PCDHGA5: variants seen among roughly 807,000 people sequenced by gnomAD.
The protein encoded by PCDHGA5 is protocadherin gamma subfamily A, 5.
A neutral mutation model predicts 56.7 loss-of-function variants in PCDHGA5; 36 were observed. The observed-to-expected ratio is 0.64, with a 90% confidence interval of 0.49 to 0.84. The LOEUF is 0.84. PCDHGA5 is among the 40% of genes least tolerant of loss of function. PCDHGA5 has a pLI of 0.00. For synonymous variants in PCDHGA5, 563 were observed against 520.2 expected, an observed-to-expected ratio of 1.08 and a Z score of -1.12; for missense variants, 1,305 against 1,201.5, an observed-to-expected ratio of 1.09 and a Z score of -1.27.
intron 1 of PCDHGA5, chr5:141,376,333 G>A: frequency 6.2e-7 from 1 of 1,614,188 alleles, no homozygotes; most frequent in Non-Finnish European, 8.5e-7. Context: ...GGGCTTTCCT[G>A]CAGACCTATT....
intron 1 of PCDHGA5, chr5:141,376,577 C>T (rs1231719593): frequency 6.3e-6 from 10 of 1,592,924 alleles, no homozygotes; most frequent in Admixed American, 1.7e-5. Flanking sequence ...CAGACAGGCT[C>T]ATCAGCTAGA....
At chr5:141,387,911 C>G (rs2091149943) in intron 1 of PCDHGA5, 8 of 1,495,982 alleles carry the variant, frequency 5.3e-6, no homozygotes, top group Non-Finnish European at 7.1e-6. Flanking sequence ...GGGAGCTGGG[C>G]CGGGCTGAGA....
chr5:141,410,602 T>A, intron 1 of PCDHGA5: 4 of 1,607,792 alleles, frequency 2.5e-6, no homozygotes, highest in South Asian at 2.2e-5. Flanking sequence ...TGACTTCACA[T>A]CCTGAGACTC....
intron 1 of PCDHGA5, chr5:141,420,925 G>A: frequency 2.8e-6 from 1 of 355,536 alleles, no homozygotes; most frequent in Non-Finnish European, 5.1e-6. Context: ...TCACAAAGGT[G>A]AGCGTAATCA....
intron 1 of PCDHGA5, among the ~76,000 whole-genome samples, chr5:141,455,769 C>T (rs1371335785): frequency 2.6e-5 from 4 of 152,014 alleles, no homozygotes; most frequent in Admixed American, 2.6e-4. Flanking sequence ...AGAGCCGGGG[C>T]TTTAAAAGAA....
chr5:141,419,981 A>G (rs2096455772), intron 1 of PCDHGA5: 2 of 1,613,934 alleles, frequency 1.2e-6, no homozygotes, highest in East Asian at 2.2e-5. Flanking sequence ...CCTCGCGGTG[A>G]TTCTAGCTAT....
chr5:141,473,308 A>G (rs1248143328), intron 1 of PCDHGA5, among the ~76,000 whole-genome samples: 1 of 152,234 alleles, frequency 6.6e-6, no homozygotes, highest in Non-Finnish European at 1.5e-5. Context: ...AGATTGCTAT[A>G]TTAATAAGCA....
At chr5:141,498,679 C>T (rs1454800332) in intron 2 of PCDHGA5, among the ~76,000 whole-genome samples, 1 of 152,170 alleles carries the variant, frequency 6.6e-6, no homozygotes, top group African/African-American at 2.4e-5. Flanking sequence ...CGCCTGTAAT[C>T]CCAGCACTTT....
chr5:141,377,257 C>CT (rs1361180220), intron 1 of PCDHGA5: 1 of 147,998 alleles, frequency 6.8e-6, no homozygotes, highest in Non-Finnish European at 1.5e-5. Context: ...AAGGTTCTTT[C>CT]TTTTTCTAAT....
chr5:141,478,977 T>G (rs1004184325), intron 1 of PCDHGA5, among the ~76,000 whole-genome samples: 12 of 152,210 alleles, frequency 7.9e-5, no homozygotes, highest in Admixed American at 5.2e-4. Flanking sequence ...TTCAAGTGAT[T>G]GTGACATTTG....
chr5:141,481,934 AAT>A (rs1245984926), intron 1 of PCDHGA5, among the ~76,000 whole-genome samples: 5 of 147,494 alleles, frequency 3.4e-5, no homozygotes, highest in Admixed American at 3.4e-4. Flanking sequence ...AAAAAAAAAA[AAT>A]CAGCCAGATG....
At chr5:141,394,021 GA>G (rs2092902279) in intron 1 of PCDHGA5, 1 of 1,613,362 alleles carries the variant, frequency 6.2e-7, no homozygotes, top group Non-Finnish European at 8.5e-7. Context: ...AATTATTATA[GA>G]TTAGTGACAA....
At chr5:141,510,353 C>T (rs74759939) in intron 3 of PCDHGA5, among the ~76,000 whole-genome samples, 2 of 146,504 alleles carry the variant, frequency 1.4e-5, no homozygotes, top group African/African-American at 5.0e-5. Context: ...CACTTACTAA[C>T]GGAACTACCG....
At chr5:141,407,602 G>A (rs1395597779) in intron 1 of PCDHGA5, among the ~76,000 whole-genome samples, 2 of 152,064 alleles carry the variant, frequency 1.3e-5, no homozygotes, top group Non-Finnish European at 2.9e-5. Context: ...ATCTTAAAAA[G>A]AAGCATTGGT....
intron 1 of PCDHGA5, chr5:141,390,668 A>C: frequency 5.2e-6 from 1 of 191,616 alleles, no homozygotes; most frequent in South Asian, 1.1e-4. Flanking sequence ...ATAAATATAA[A>C]AATAATAAAG....
chr5:141,400,547 CT>C (rs765907405), intron 1 of PCDHGA5: 1 of 1,613,676 alleles, frequency 6.2e-7, no homozygotes, highest in East Asian at 2.2e-5. Context: ...TATGTCTATT[CT>C]TTTTCATTAC....
intron 1 of PCDHGA5, chr5:141,413,526 G>T: frequency 6.2e-7 from 1 of 1,613,936 alleles, no homozygotes; most frequent in Non-Finnish European, 8.5e-7. Context: ...TGGAAGACAG[G>T]GTGAAACTTT....
intron 1 of PCDHGA5, among the ~76,000 whole-genome samples, chr5:141,368,153 C>T (rs1012030751): frequency 2.6e-5 from 4 of 152,064 alleles, no homozygotes; most frequent in Non-Finnish European, 4.4e-5. Context: ...ACTTTTAAAA[C>T]CTTGAGCATC....
At chr5:141,372,101 C>G (rs984585015) in intron 1 of PCDHGA5, 15 of 1,613,794 alleles carry the variant, frequency 9.3e-6, no homozygotes, top group Non-Finnish European at 1.3e-5. Flanking sequence ...CTCTGGGGCC[C>G]GAAGGCTCTG....
Sources: allele counts gnomAD v4.1 joint callset (sites outside exome capture counted in the v4.1 genomes callset), GRCh38; gene constraint gnomAD v4.1.1; transcripts MANE v1.5; gene names NCBI Gene and HGNC (gene_info 2026-07-23, HGNC 2026-07-21).